TET2: variants seen among roughly 807,000 people sequenced by gnomAD.
The protein encoded by TET2 is methylcytosine dioxygenase TET2.
A neutral mutation model predicts 142.9 loss-of-function variants in TET2; 299 were observed. The observed-to-expected ratio is 2.09, with a 90% CI of 1.90 to 2.30. TET2 has a LOEUF of 2.30. TET2 is among the 30% of genes most tolerant of loss of function. TET2 has a pLI of 0.00. For missense variants in TET2, 2,418 were observed against 2,378.0 expected, an observed-to-expected ratio of 1.02 and a Z score of -0.35; for synonymous variants, 819 against 849.0, an observed-to-expected ratio of 0.96 and a Z score of 0.61.
chr4:105,217,735 C>T (rs1393550665), intron 2 of TET2, among the ~76,000 whole-genome samples: 1 of 151,978 alleles, frequency 6.6e-6, no homozygotes. Context: ...TAAAATTACA[C>T]GTTAATATCC....
chr4:105,270,679 T>C lies in TET2; in HGVS notation c.4182+932T>C, dbSNP rs1028328586. Among the ~76,000 whole-genome samples, 4 of 22,290 alleles carry C rather than the reference T, an allele frequency of 1.8e-4. No individual in the cohort carries two copies. The African/African-American group carries it at 2.2e-3, about 12-fold the overall frequency. 14.6% of individuals were successfully genotyped at this position (22,290 alleles called of 152,430 possible). ...GAGGGGAAAATAGATACATGTTATA[T>C]ATATATATATATATATATATGTTCT... On this transcript the variant is annotated intron_variant, in intron 9 of 10. Coordinates refer to ENST00000380013, the MANE Select transcript of TET2 (RefSeq NM_001127208.3).
intron 1 of TET2, among the ~76,000 whole-genome samples, chr4:105,178,270 G>A (rs1280040611): frequency 6.6e-6 from 1 of 152,110 alleles, no homozygotes; most frequent in Non-Finnish European, 1.5e-5. Context: ...ACTAAGAAAT[G>A]AGCTATCACA....
At chr4:105,266,779 G>A (rs910558179) in intron 8 of TET2, among the ~76,000 whole-genome samples, 14 of 152,010 alleles carry the variant, frequency 9.2e-5, no homozygotes, top group African/African-American at 3.4e-4. Context: ...ACTAATATAT[G>A]TGTAATTGGA....
rs182657608 is a variant in TET2 at position 105,160,877 on chromosome 4, A to G, written c.-193+13898A>G. 2.8e-4 allele frequency among the ~76,000 whole-genome samples: 43 copies of G among 152,204 alleles called. 2 individuals carry two copies. The East Asian group carries it at 6.6e-3, about 23-fold the overall frequency. Reference sequence around the variant, plus strand: ...CCGCAACCTCCGCCTCCTGGGTTCCAGCAATTCTCTGCCTCAGGCTTCGGA... The same window carrying G: ...CCGCAACCTCCGCCTCCTGGGTTCCGGCAATTCTCTGCCTCAGGCTTCGGA... On this transcript the variant is annotated intron_variant, in intron 1 of 10. Coordinates refer to ENST00000380013, the MANE Select transcript of TET2 (RefSeq NM_001127208.3).
At chr4:105,237,909 G>A (rs1481793842) in intron 3 of TET2, 1 of 1,029,070 alleles carries the variant, frequency 9.7e-7, no homozygotes, top group Admixed American at 5.4e-5. Context: ...CATTTGGAAT[G>A]TTGTGATTTA....
Position 105,240,115 on chromosome 4 carries a change from G to A in TET2, c.3410-1224G>A, listed in dbSNP as rs1036289237. ...CATCAAAGATCACTGATCACAGATC[G>A]CCATAACATAAATAATAATAAACTT... On this transcript the variant is annotated intron_variant, in intron 3 of 10. Coordinates refer to ENST00000380013, the MANE Select transcript of TET2 (RefSeq NM_001127208.3). The A allele has an allele frequency of 3.5e-5, 8 of 229,818 alleles. No individual in the cohort carries two copies. In the East Asian group the frequency reaches 4.1e-4, roughly 12 times the overall value. 14.2% of individuals were successfully genotyped at this position (229,818 alleles called of 1,614,324 possible). A position where few individuals can be genotyped will look rare whatever the true frequency, so the allele number is the denominator to read the frequency against.
chr4:105,235,260 CA>C lies in TET2; in HGVS notation c.1321del (p.Ser441ValfsTer6). The C allele has an allele frequency of 6.2e-7, 1 of 1,614,052 alleles. No individual in the cohort carries two copies. The highest frequency in any genetic ancestry group is 1.3e-5 in the African/African-American group (1 of 75,002). ...VLEEHHHYPN[Q>X]SNTTLLREVK... ...AGAAGAACACCACCACTACCCCAAC[CA>C]AAGTAACACAACACTTTTAAGGGAA... On this transcript the variant is annotated frameshift_variant, in exon 3 of 11. Coordinates refer to ENST00000380013, the MANE Select transcript of TET2 (RefSeq NM_001127208.3). LOFTEE classifies it high-confidence loss of function.
chr4:105,164,756 T>A (rs1299276700), intron 1 of TET2, among the ~76,000 whole-genome samples: 1 of 152,202 alleles, frequency 6.6e-6, no homozygotes, highest in Non-Finnish European at 1.5e-5. Context: ...GCTTTCTCAG[T>A]ATTGGGACCT....
rs549698419 is a variant in TET2, at chr4:105,277,908, G to A, written c.*1389G>A. 2.8e-5 allele frequency: 6 copies of A among 217,960 alleles called. No individual in the cohort carries two copies. Among genetic ancestry groups the A allele is most frequent in the South Asian group, 3.7e-4 (2 of 5,384 alleles). 13.5% of individuals were successfully genotyped at this position (217,960 alleles called of 1,614,324 possible). A position where few individuals can be genotyped will look rare whatever the true frequency, so the allele number is the denominator to read the frequency against. ...TGTTGATAATTATGTACATTGTGAC[G>A]TTGTCATTTCTTAGCTTAAGTGTCC... On this transcript the variant is annotated 3_prime_UTR_variant, in exon 11 of 11. Transcript: ENST00000380013.
At chr4:105,241,156 A>G in intron 3 of TET2, 183 bp from the exon 4 acceptor site, 1 of 1,261,968 alleles carries the variant, frequency 7.9e-7, no homozygotes, top group Non-Finnish European at 1.0e-6. Flanking sequence ...ATGTACATAT[A>G]CTTAATTATG....
intron 1 of TET2, among the ~76,000 whole-genome samples, chr4:105,184,270 A>G (rs771273356): frequency 3.3e-5 from 5 of 152,146 alleles, no homozygotes; most frequent in Non-Finnish European, 7.3e-5. Flanking sequence ...ATATAAATTG[A>G]TCTGATAATC....
chr4:105,155,888 G>C (rs2110359644), intron 1 of TET2, among the ~76,000 whole-genome samples: 1 of 152,190 alleles, frequency 6.6e-6, no homozygotes, highest in East Asian at 1.9e-4. Flanking sequence ...TTGTAGGTTT[G>C]TTGAGTATGT....
chr4:105,234,601 A>AC lies in TET2; in HGVS notation c.660dup (p.Thr221HisfsTer4). ...ACAGTTTCTGCCTCTTCCGTGGAAC[A>AC]CACACATGGTGAACTCCTGGAAAAA... On this transcript the variant is annotated frameshift_variant, in exon 3 of 11. Transcript: ENST00000380013. LOFTEE classifies it high-confidence loss of function. 1 of 1,614,156 alleles carries AC rather than the reference A, an allele frequency of 6.2e-7. No individual in the cohort carries two copies. Among genetic ancestry groups the AC allele is most frequent in the Non-Finnish European group, 8.5e-7 (1 of 1,180,018 alleles).
chr4:105,228,816 T>C (rs1387916098), intron 2 of TET2, among the ~76,000 whole-genome samples: 2 of 152,248 alleles, frequency 1.3e-5, no homozygotes, highest in Admixed American at 6.5e-5. Context: ...AAAGTGATAG[T>C]GTCCTGATTT....
chr4:105,220,182 A>C lies in TET2; in HGVS notation c.-46-13715A>C, dbSNP rs183203833. 6.7e-3 allele frequency among the ~76,000 whole-genome samples: 1,024 copies of C among 152,330 alleles called. 5 individuals carry two copies. The highest frequency in any genetic ancestry group is 0.011 in the Non-Finnish European group (753 of 68,024). On this transcript the variant is annotated intron_variant, in intron 2 of 10. Coordinates refer to ENST00000380013, the MANE Select transcript of TET2 (RefSeq NM_001127208.3). ...GATTATGAGCCCTCCTAGAAATTAC[A>C]TAAAGTTCTTATATATTATTAGAAC...
intron 1 of TET2, among the ~76,000 whole-genome samples, chr4:105,173,176 G>A (rs898486405): frequency 6.6e-6 from 1 of 152,062 alleles, no homozygotes; most frequent in African/African-American, 2.4e-5. Flanking sequence ...AGAGGAAAAT[G>A]TGCATAAAAT....
At chr4:105,218,413 C>T (rs564806978) in intron 2 of TET2, among the ~76,000 whole-genome samples, 3 of 152,112 alleles carry the variant, frequency 2.0e-5, no homozygotes, top group Admixed American at 6.6e-5. Flanking sequence ...TTCCTCATGT[C>T]GGCTATGCCA....
rs554303958 is a variant in TET2, at chr4:105,188,748, C to T, written c.-192-1612C>T. Among the ~76,000 whole-genome samples, 47 of 152,064 alleles carry T rather than the reference C, an allele frequency of 3.1e-4. No homozygotes were observed. In the South Asian group the frequency reaches 3.1e-3, roughly 10 times the overall value. On this transcript the variant is annotated intron_variant, in intron 1 of 10. Transcript: ENST00000380013. ...ATTACACTAAGTGAAAGAAACCAGACGTAAAAGGCCAAATTTTGTATGGTT... is the reference window on the plus strand; with the variant it reads ...ATTACACTAAGTGAAAGAAACCAGATGTAAAAGGCCAAATTTTGTATGGTT...
intron 5 of TET2, 42 bp from the exon 6 acceptor site, chr4:105,243,528 T>C: frequency 6.5e-7 from 1 of 1,529,080 alleles, no homozygotes; most frequent in Non-Finnish European, 8.9e-7. Flanking sequence ...TTTGTTTTGG[T>C]TGGGGTGGGG....
Sources: allele counts gnomAD v4.1 joint callset (sites outside exome capture counted in the v4.1 genomes callset), GRCh38; gene constraint gnomAD v4.1.1; transcripts MANE v1.5; gene names NCBI Gene and HGNC (gene_info 2026-07-23, HGNC 2026-07-21).